The following FAIM2 variants were observed in gnomAD, a reference collection of about 807,000 sequenced individuals.
FAIM2 encodes protein lifeguard 2.
Under a neutral mutation model 47.4 loss-of-function variants are expected in FAIM2, and 27 were observed. That is an observed-to-expected ratio of 0.57 (90% confidence interval 0.42 to 0.78). The LOEUF (loss-of-function observed/expected upper bound fraction) is 0.78, where lower values mean the gene tolerates loss of function less well. Ranked by LOEUF, FAIM2 falls within the 30% of genes least tolerant of loss-of-function variation. FAIM2 has a pLI of 0.00. For missense variants in FAIM2, 311 were observed against 389.4 expected (o/e 0.80, Z 1.69); for synonymous variants, 156 against 159.3 (o/e 0.98, Z 0.16).
At chr12:49,882,843 T>A (rs968265550) in intron 11 of FAIM2, among the ~76,000 whole-genome samples, 1 of 152,194 alleles carries the variant, frequency 6.6e-6, no homozygotes, top group Non-Finnish European at 1.5e-5. Flanking sequence ...GCTGCAGTGA[T>A]GAACAAGCCA....
At chr12:49,884,712 C>T (rs956731630) in intron 11 of FAIM2, among the ~76,000 whole-genome samples, 6 of 152,202 alleles carry the variant, frequency 3.9e-5, no homozygotes, top group Non-Finnish European at 7.3e-5. Flanking sequence ...TGGTCACTCA[C>T]GCCTGTAATC....
rs553731531 is a variant in FAIM2 at position 49,901,340 on chromosome 12, CAG to C, written c.16-17_16-16del. ...GCCACGGAGAGCTATGGAGTAGAGT[CAG>C]AGAGAGAGATAGTCACCAGGGAAAG... On this transcript the variant is annotated splice_polypyrimidine_tract_variant and intron_variant, in intron 1 of 11. Transcript: ENST00000320634. 4.6e-5 allele frequency: 70 copies of C among 1,516,970 alleles called. No homozygotes were observed. Among genetic ancestry groups the C allele is most frequent in the Admixed American group, 2.3e-4 (10 of 44,322 alleles). The allele number at this position is 1,516,970 out of a possible 1,614,324, so 94.0% of individuals were successfully genotyped here.
At chr12:49,878,727 T>TGA (rs1946768062) in intron 11 of FAIM2, among the ~76,000 whole-genome samples, 1 of 130,274 alleles carries the variant, frequency 7.7e-6, no homozygotes, top group African/African-American at 3.1e-5. Flanking sequence ...TGTGTGTCTG[T>TGA]GTGCATGTGA....
chr12:49,882,565 A>C (rs564540581), intron 11 of FAIM2, among the ~76,000 whole-genome samples: 1 of 152,182 alleles, frequency 6.6e-6, no homozygotes, highest in African/African-American at 2.4e-5. Context: ...TTGTTTCTAT[A>C]ATCTGCAGGA....
chr12:49,900,007 GC>G (rs1565620867), intron 2 of FAIM2: 3 of 275,486 alleles, frequency 1.1e-5, no homozygotes, highest in Non-Finnish European at 7.4e-6. Flanking sequence ...GAAGACCCTT[GC>G]CCTCTTGTCC....
In FAIM2 at chr12:49,901,339, T is replaced by A. The variant is rs753548858; in HGVS notation, c.16-14A>T. The A allele has an allele frequency of 5.9e-6, 9 of 1,519,540 alleles. No homozygotes were observed. In the Admixed American group the frequency reaches 6.7e-5, roughly 11 times the overall value. The allele number at this position is 1,519,540 out of a possible 1,614,324, so 94.1% of individuals were successfully genotyped here. On this transcript the variant is annotated splice_polypyrimidine_tract_variant and intron_variant, in intron 1 of 11. Coordinates refer to ENST00000320634, the MANE Select transcript of FAIM2 (RefSeq NM_012306.4). ...AGCCACGGAGAGCTATGGAGTAGAG[T>A]CAGAGAGAGAGATAGTCACCAGGGA...
chr12:49,877,971 T>G (rs1946750537), intron 11 of FAIM2, among the ~76,000 whole-genome samples: 1 of 148,302 alleles, frequency 6.7e-6, no homozygotes, highest in Non-Finnish European at 1.5e-5. Context: ...TATGTGTATG[T>G]GTGCATGTAT....
rs1043693426 is a variant in FAIM2, at chr12:49,879,095, T to C, written c.801+8291A>G. ...GTGCATGTGTATGTGTCTGTGTGCA[T>C]GTGAGTGTATGTATGTGCATGTGTA... On this transcript the variant is annotated intron_variant, in intron 11 of 11. Coordinates refer to ENST00000320634, the MANE Select transcript of FAIM2 (RefSeq NM_012306.4). 8.7e-5 allele frequency among the ~76,000 whole-genome samples: 12 copies of C among 137,596 alleles called. 2 individuals are homozygous for C. The highest frequency in any genetic ancestry group is 2.7e-4 in the African/African-American group (10 of 36,658). 90.3% of individuals were successfully genotyped at this position (137,596 alleles called of 152,430 possible).
chr12:49,887,409 G>C lies in FAIM2; in HGVS notation c.778C>G (p.Leu260Val). The change falls in exon 11 of 12, where the codon CTG (leucine) becomes GTG (valine). Residue 260 changes from leucine (L) to valine (V), a missense_variant. By Grantham distance (32) the Leu-to-Val change is conservative (BLOSUM62 1). Transcript: ENST00000320634. ...VPWLHAVYAA[L>V]GAGVFTLFLA... ...ACCAATGTAAATACACCCGCTCCCA[G>C]TGCTGCATAAACTGCATGGAGCCAG... 2 of 1,611,776 alleles carry C rather than the reference G, an allele frequency of 1.2e-6. No individual in the cohort carries two copies. Among genetic ancestry groups the C allele is most frequent in the Non-Finnish European group, 1.7e-6 (2 of 1,178,846 alleles).
At chr12:49,879,378 ATGTGTATG>A (rs1565613993) in intron 11 of FAIM2, among the ~76,000 whole-genome samples, 1 of 144,498 alleles carries the variant, frequency 6.9e-6, no homozygotes, top group Non-Finnish European at 1.5e-5. Context: ...ATGTGTGTAT[ATGTGTATG>A]TGGGTATGTG....
At chr12:49,877,868 G>C (rs1015908978) in intron 11 of FAIM2, among the ~76,000 whole-genome samples, 15 of 151,514 alleles carry the variant, frequency 9.9e-5, no homozygotes, top group African/African-American at 3.6e-4. Flanking sequence ...GTGTGTGTGA[G>C]TGTATACATA....
At chr12:49,879,741 AAT>A (rs1242876509) in intron 11 of FAIM2, among the ~76,000 whole-genome samples, 5 of 126,056 alleles carry the variant, frequency 4.0e-5, no homozygotes, top group African/African-American at 6.3e-5. Flanking sequence ...TGTCTGAGTG[AAT>A]GTGTATGCAT....
At chr12:49,894,949 CG>C (rs1181562317) in intron 5 of FAIM2, among the ~76,000 whole-genome samples, 2 of 152,108 alleles carry the variant, frequency 1.3e-5, no homozygotes, top group Non-Finnish European at 2.9e-5. Flanking sequence ...GGAAGAGACC[CG>C]GATGGAGTCC....
intron 5 of FAIM2, among the ~76,000 whole-genome samples, chr12:49,895,428 G>A (rs75069425): frequency 0.011 from 1,670 of 152,162 alleles, 32 homozygotes; most frequent in African/African-American, 0.038. Flanking sequence ...GAGTCCCACA[G>A]ACCCTCCTCC....
intron 7 of FAIM2, 115 bp from the exon 8 acceptor site, chr12:49,890,269 A>G: frequency 1.1e-6 from 1 of 894,042 alleles, no homozygotes; most frequent in Non-Finnish European, 1.8e-6. Flanking sequence ...CTCTTTGTCT[A>G]TGTCACCCCC....
At chr12:49,892,637 G>C (rs1211862110) in intron 5 of FAIM2, among the ~76,000 whole-genome samples, 1 of 151,964 alleles carries the variant, frequency 6.6e-6, no homozygotes, top group African/African-American at 2.4e-5. Context: ...ACCACTCCTC[G>C]GTCCCTCCAG....
chr12:49,872,347 G>A (rs932281228), intron 11 of FAIM2, among the ~76,000 whole-genome samples: 8 of 152,206 alleles, frequency 5.3e-5, no homozygotes, highest in African/African-American at 1.9e-4. Context: ...AGCCTGGGAG[G>A]CCTGACTGGT....
chr12:49,890,961 C>G, intron 6 of FAIM2, 103 bp downstream of exon 6: 1 of 1,186,936 alleles, frequency 8.4e-7, no homozygotes, highest in South Asian at 1.2e-5. Flanking sequence ...GGATGGGGCC[C>G]TCTCAGGGCT....
chr12:49,886,568 C>A (rs753936510), intron 11 of FAIM2, among the ~76,000 whole-genome samples: 1 of 152,128 alleles, frequency 6.6e-6, no homozygotes, highest in South Asian at 2.1e-4. Flanking sequence ...CTCTGCCTCC[C>A]GGGTTCACAC....
Sources: gnomAD v4.1 joint callset for allele counts (sites outside exome capture counted in the v4.1 genomes callset) on GRCh38, gnomAD v4.1.1 for gene constraint, MANE v1.5 for transcripts, NCBI Gene and HGNC (gene_info 2026-07-23, HGNC 2026-07-21) for gene names.